Variants in ANKRD44 observed in about 807,000 individuals in gnomAD.
ANKRD44 encodes ankyrin repeat domain 44.
A neutral mutation model predicts 116.0 loss-of-function variants in ANKRD44; 35 were observed. That is an observed-to-expected ratio of 0.30 (90% confidence interval 0.23 to 0.40). The LOEUF (loss-of-function observed/expected upper bound fraction) is 0.40, where lower values mean the gene tolerates loss of function less well. Among genes scored for constraint, ANKRD44 ranks in the 10% least tolerant of loss-of-function variants. ANKRD44 has a pLI of 1.00. For missense variants in ANKRD44, 1,014 were observed against 1,242.6 expected, an observed-to-expected ratio of 0.82 and a Z score of 2.77; for synonymous variants, 435 against 461.8, an observed-to-expected ratio of 0.94 and a Z score of 0.74.
intron 17 of ANKRD44, among the ~76,000 whole-genome samples, chr2:197,020,752 C>A (rs954165497): frequency 2.0e-5 from 3 of 151,580 alleles, no homozygotes; most frequent in African/African-American, 4.9e-5. Flanking sequence ...CTTTAAAAAG[C>A]CTTATTAGGT....
At chr2:197,278,517 C>A (rs976156570) in intron 1 of ANKRD44, among the ~76,000 whole-genome samples, 4 of 151,980 alleles carry the variant, frequency 2.6e-5, no homozygotes, top group Non-Finnish European at 5.9e-5. Flanking sequence ...CCACCACGCC[C>A]GGTTAATTTT....
chr2:197,096,559 T>TAATC (rs1406303267), intron 10 of ANKRD44, among the ~76,000 whole-genome samples: 1 of 152,188 alleles, frequency 6.6e-6, no homozygotes, highest in Non-Finnish European at 1.5e-5. Flanking sequence ...AAGAACATTC[T>TAATC]AATCAAGGGC....
At chr2:197,069,683 A>C (rs562328494) in intron 16 of ANKRD44, among the ~76,000 whole-genome samples, 1 of 152,276 alleles carries the variant, frequency 6.6e-6, no homozygotes, top group East Asian at 1.9e-4. Context: ...TCTTGAAATT[A>C]GGTAGACTGA....
intron 15 of ANKRD44, among the ~76,000 whole-genome samples, chr2:197,079,769 C>T (rs1387782874): frequency 2.0e-5 from 3 of 151,988 alleles, no homozygotes; most frequent in South Asian, 2.1e-4. Context: ...TAAATAAGAC[C>T]TTCCAATAGA....
rs370426114 is a variant in ANKRD44 at position 196,976,171 on chromosome 2, G to A, written c.2369-8725C>T. On this transcript the variant is annotated intron_variant, in intron 21 of 21. Coordinates refer to the ANKRD44 transcript ENST00000424317. ...TATTGAGATGGAGTCTCGCTCTGTCGCCCAGGTTGGAGTGCAGTGCAGTGG... is the reference window on the plus strand; with the variant it reads ...TATTGAGATGGAGTCTCGCTCTGTCACCCAGGTTGGAGTGCAGTGCAGTGG... Among the ~76,000 whole-genome samples, 136 of 152,022 alleles carry A rather than the reference G, an allele frequency of 8.9e-4. No homozygotes were observed. The East Asian group carries it at 0.011, about 12-fold the overall frequency.
At chr2:197,190,924 G>A (rs2080807320) in intron 1 of ANKRD44, among the ~76,000 whole-genome samples, 1 of 152,092 alleles carries the variant, frequency 6.6e-6, no homozygotes, top group Non-Finnish European at 1.5e-5. Flanking sequence ...TAACACGAGT[G>A]CTTTGTGTAC....
chr2:197,177,905 T>C (rs919218729), intron 2 of ANKRD44, among the ~76,000 whole-genome samples: 4 of 152,228 alleles, frequency 2.6e-5, no homozygotes, highest in Admixed American at 6.5e-5. Context: ...AAAGATAACA[T>C]GATACAACCT....
intron 3 of ANKRD44, among the ~76,000 whole-genome samples, chr2:197,142,227 T>C (rs1462708388): frequency 2.6e-5 from 4 of 152,234 alleles, no homozygotes; most frequent in African/African-American, 9.6e-5. Flanking sequence ...AGAGGCAATA[T>C]TTCTGTTCTG....
chr2:197,009,181 T>A, intron 18 of ANKRD44, 150 bp from the exon 19 acceptor site: 1 of 582,538 alleles, frequency 1.7e-6, no homozygotes, highest in South Asian at 1.8e-5. Context: ...AATCTCCACC[T>A]CCCAGGTTCA....
intron 21 of ANKRD44, among the ~76,000 whole-genome samples, chr2:196,979,503 T>C (rs1342576569): frequency 1.3e-5 from 2 of 150,818 alleles, no homozygotes; most frequent in Non-Finnish European, 3.0e-5. Context: ...CATCAGCTAT[T>C]TTTACTATTC....
At chr2:197,000,330 T>A in intron 23 of ANKRD44, 89 bp downstream of exon 23, 1 of 996,904 alleles carries the variant, frequency 1.0e-6, no homozygotes, top group Non-Finnish European at 1.6e-6. Flanking sequence ...ATTCTTTCAA[T>A]TAAAAACATA....
chr2:197,020,816 T>TAAAA (rs1427235259), intron 17 of ANKRD44, among the ~76,000 whole-genome samples: 2 of 151,298 alleles, frequency 1.3e-5, no homozygotes, highest in African/African-American at 4.9e-5. Flanking sequence ...ATTATTATTA[T>TAAAA]ACTTTAAGTT....
intron 16 of ANKRD44, among the ~76,000 whole-genome samples, chr2:197,039,962 C>T (rs1280468810): frequency 1.3e-5 from 2 of 150,946 alleles, no homozygotes; most frequent in Non-Finnish European, 3.0e-5. Context: ...GGCGCAGTGG[C>T]TCATGCCTAT....
chr2:197,121,582 A>C (rs2078855328), intron 7 of ANKRD44, 38 bp from the exon 8 acceptor site: 4 of 1,567,324 alleles, frequency 2.6e-6, no homozygotes, highest in Middle Eastern at 1.7e-4. Context: ...TAAAGTCATT[A>C]GAGCCAGTTT....
chr2:197,161,208 T>C (rs552186955), intron 2 of ANKRD44, among the ~76,000 whole-genome samples: 74 of 152,040 alleles, frequency 4.9e-4, no homozygotes, highest in Non-Finnish European at 9.4e-4. Flanking sequence ...AATTGGGAGA[T>C]GGCTACGTAA....
At chr2:197,103,043 CACGGTGAA>C (rs2078334859) in intron 9 of ANKRD44, among the ~76,000 whole-genome samples, 1 of 151,948 alleles carries the variant, frequency 6.6e-6, no homozygotes, top group Non-Finnish European at 1.5e-5. Context: ...TCCTGGCAAA[CACGGTGAA>C]ACCCCATCTC....
At chr2:197,205,519 C>T (rs1395370333) in intron 1 of ANKRD44, among the ~76,000 whole-genome samples, 2 of 152,162 alleles carry the variant, frequency 1.3e-5, no homozygotes, top group Non-Finnish European at 2.9e-5. Flanking sequence ...TTGGGGATGG[C>T]CCAAGGTGAC....
At position 197,106,416 on chromosome 2, in the gene ANKRD44, G is replaced by A. The variant is rs116855843; in HGVS notation, c.985+4350C>T. On this transcript the variant is annotated intron_variant, in intron 9 of 27. Coordinates refer to ENST00000282272, the MANE Select transcript of ANKRD44 (RefSeq NM_001195144.2). ...GCCGAGATCGCACCACTGCAGTCCA[G>A]CCTGGGCTACACAGCGAGATTTCAT... is the stretch of plus-strand genomic sequence containing the variant. Among the ~76,000 whole-genome samples the A allele has an allele frequency of 1.5e-3, 235 of 152,214 alleles. 9 individuals carry two copies. The East Asian group carries it at 0.044, about 29-fold the overall frequency.
At chr2:197,161,420 T>G (rs773762506) in intron 2 of ANKRD44, among the ~76,000 whole-genome samples, 25 of 152,264 alleles carry the variant, frequency 1.6e-4, no homozygotes, top group Admixed American at 1.5e-3. Flanking sequence ...TAAATTGCTT[T>G]GTATTTCAGG....
Sources: allele counts gnomAD v4.1 joint callset (sites outside exome capture counted in the v4.1 genomes callset), GRCh38; gene constraint gnomAD v4.1.1; transcripts MANE v1.5; gene names NCBI Gene and HGNC (gene_info 2026-07-23, HGNC 2026-07-21).